The following EDC4 variants were observed in gnomAD, a reference collection of about 807,000 sequenced individuals.
EDC4 encodes the protein enhancer of mRNA decapping 4.
In EDC4, 64 loss-of-function variants were observed where a neutral mutation model predicts 155.8. The observed-to-expected ratio is 0.41, with a 90% confidence interval of 0.34 to 0.51. EDC4 has a LOEUF of 0.51. Among genes scored for constraint, EDC4 ranks in the 20% least tolerant of loss-of-function variants. EDC4 has a pLI of 0.19. For missense variants in EDC4, 1,303 were observed against 1,812.5 expected, an observed-to-expected ratio of 0.72 and a Z score of 5.10; for synonymous variants, 684 against 716.8, an observed-to-expected ratio of 0.95 and a Z score of 0.73.
In EDC4 at chr16:67,876,166, T is replaced by A; in HGVS notation, c.239+65T>A. The A allele has an allele frequency of 6.5e-7, 1 of 1,540,816 alleles. No homozygotes were observed. The highest frequency in any genetic ancestry group is 1.2e-5 in the South Asian group (1 of 86,870). Reference sequence around the variant, plus strand: ...TTGGGGTGTCTGCTAGCTGAAGGCATGAGATGGGGAGTGAGCGGGGCCAGC... The same window carrying A: ...TTGGGGTGTCTGCTAGCTGAAGGCAAGAGATGGGGAGTGAGCGGGGCCAGC... On this transcript the variant is annotated intron_variant, in intron 2 of 28. Coordinates refer to ENST00000358933, the MANE Select transcript of EDC4 (RefSeq NM_014329.5). The surrounding 1 kb of genome is among the most constrained non-coding windows in gnomAD (Gnocchi z 5.8).
chr16:67,876,077 T>C lies in EDC4; in HGVS notation c.215T>C (p.Ile72Thr), dbSNP rs1405121820. The C allele has an allele frequency of 1.2e-5, 20 of 1,614,004 alleles. No homozygotes were observed. The highest frequency in any genetic ancestry group is 1.7e-5 in the Non-Finnish European group (20 of 1,180,028). Reference protein sequence around the residue: ...NKTGLRTMPPINLQEKQVICL... With the variant: ...NKTGLRTMPPTNLQEKQVICL... ...ACTGGTCTTCGGACCATGCCACCCA[T>C]TAACCTGCAAGAGAAGCAGGTCATG... The change falls in exon 2 of 29, where the codon ATT (isoleucine) becomes ACT (threonine). Residue 72 changes from isoleucine (I) to threonine (T), a missense_variant. Around this residue, in one of 5 missense-constraint regions of EDC4, gnomAD observed 99 missense variants for 121.3 expected, o/e 0.82. Transcript: ENST00000358933. This position sits in a 1 kb window ranked among gnomAD's most constrained non-coding sequence, Gnocchi z 5.8.
rs1020490579 is a variant in EDC4 at position 67,881,992 on chromosome 16, C to T, written c.3043C>T (p.Arg1015Trp). 14 of 1,609,992 alleles carry T rather than the reference C, an allele frequency of 8.7e-6. No homozygotes were observed. Among genetic ancestry groups the T allele is most frequent in the Non-Finnish European group, 1.2e-5 (14 of 1,178,566 alleles). The stretch of plus-strand genomic sequence containing the variant: ...GCGAGCACTGGCTGAGGGGCAGCAG[C>T]GGGGAGGGCAGCTGCAGGAGCAGCT... ...LERALAEGQQRGGQLQEQLTQ... is the reference protein window; with the variant it reads ...LERALAEGQQWGGQLQEQLTQ... The change falls in exon 23 of 29, where the codon CGG becomes TGG. Residue 1015 changes from arginine (R) to tryptophan (W), a missense_variant. By Grantham distance (101) the Arg-to-Trp change is moderately radical. Coordinates refer to ENST00000358933, the MANE Select transcript of EDC4 (RefSeq NM_014329.5). This position sits in a 1 kb window ranked among gnomAD's most constrained non-coding sequence, Gnocchi z 5.4.
Position 67,879,867 on chromosome 16 carries a change from C to CAGCAGCAGCAGCGGT in EDC4, c.1852_1866dup (p.Gly618_Ser622dup). The CAGCAGCAGCAGCGGT allele has an allele frequency of 1.2e-6, 2 of 1,611,728 alleles. No individual in the cohort carries two copies. Among genetic ancestry groups the CAGCAGCAGCAGCGGT allele is most frequent in the Non-Finnish European group, 1.7e-6 (2 of 1,178,408 alleles). The stretch of plus-strand genomic sequence containing the variant: ...CTCCCCAGATCACTGCCTCTCCCAG[C>CAGCAGCAGCAGCGGT]AGCAGCAGCAGCGGTAGCAGCAGCA... On this transcript the variant is annotated inframe_insertion, in exon 16 of 29. Transcript: ENST00000358933. The surrounding 1 kb of genome is among the most constrained non-coding windows in gnomAD (Gnocchi z 6.0).
Position 67,881,665 on chromosome 16 carries a change from C to A in EDC4, c.2827-3C>A, listed in dbSNP as rs1394842124. On this transcript the variant is annotated splice_polypyrimidine_tract_variant and splice_region_variant and intron_variant, in intron 21 of 28. Coordinates refer to ENST00000358933, the MANE Select transcript of EDC4 (RefSeq NM_014329.5). This position sits in a 1 kb window ranked among gnomAD's most constrained non-coding sequence, Gnocchi z 5.4. Reference sequence around the variant, plus strand: ...ATCGTGTGACTGTCAGTGCTACTGACAGGTGGCAGAGCCCCCTGAGGACTG... The same window carrying A: ...ATCGTGTGACTGTCAGTGCTACTGAAAGGTGGCAGAGCCCCCTGAGGACTG... 6.2e-7 allele frequency: 1 copy of A among 1,611,524 alleles called. No homozygotes were observed. The highest frequency in any genetic ancestry group is 2.2e-5 in the East Asian group (1 of 44,786).
intron 1 of EDC4, among the ~76,000 whole-genome samples, chr16:67,875,407 C>T (rs946770264): frequency 6.6e-6 from 1 of 152,190 alleles, no homozygotes; most frequent in Non-Finnish European, 1.5e-5. Flanking sequence ...ATCTCTCTCA[C>T]CCAGATTCTC....
In EDC4 at chr16:67,879,778, C is replaced by T. The variant is rs746413323; in HGVS notation, c.1821+4C>T. The stretch of plus-strand genomic sequence containing the variant: ...ACCTAGCGCCTCCTTGCAGCAGGTA[C>T]TCTCCCAGGGTAGGGGGACCTGGGA... On this transcript the variant is annotated splice_donor_region_variant and intron_variant, in intron 15 of 28. Transcript: ENST00000358933. The surrounding 1 kb of genome is among the most constrained non-coding windows in gnomAD (Gnocchi z 6.0). 7 of 1,613,962 alleles carry T rather than the reference C, an allele frequency of 4.3e-6. No homozygotes were observed. The South Asian group carries it at 5.5e-5, about 13-fold the overall frequency.
chr16:67,878,937 G>A lies in EDC4; in HGVS notation c.1288-20G>A. 6.2e-7 allele frequency: 1 copy of A among 1,610,208 alleles called. No individual in the cohort carries two copies. Among genetic ancestry groups the A allele is most frequent in the Non-Finnish European group, 8.5e-7 (1 of 1,178,666 alleles). On this transcript the variant is annotated intron_variant, in intron 11 of 28. Coordinates refer to ENST00000358933, the MANE Select transcript of EDC4 (RefSeq NM_014329.5). This position sits in a 1 kb window ranked among gnomAD's most constrained non-coding sequence, Gnocchi z 5.2. ...AGCCCTTAGCCTCTGAGCTCAGCTA[G>A]GAACGTTCTGCCTGTGCAGGTCCTC...
Position 67,883,199 on chromosome 16 carries a change from G to C in EDC4, c.3849+22G>C. 1 of 1,541,292 alleles carries C rather than the reference G, an allele frequency of 6.5e-7. No homozygotes were observed. The highest frequency in any genetic ancestry group is 8.7e-7 in the Non-Finnish European group (1 of 1,143,138). On this transcript the variant is annotated intron_variant, in intron 27 of 28. Transcript: ENST00000358933. This position sits in a 1 kb window ranked among gnomAD's most constrained non-coding sequence, Gnocchi z 5.3. Reference sequence around the variant, plus strand: ...GCAGGTACGATAGGCATTAGGCCCTGCTAAGGGTCACGTGTCTCTTGACAA... The same window carrying C: ...GCAGGTACGATAGGCATTAGGCCCTCCTAAGGGTCACGTGTCTCTTGACAA...
In EDC4 at chr16:67,879,592, G is replaced by C; in HGVS notation, c.1639G>C (p.Gly547Arg). Residue 547 changes from glycine (G) to arginine (R), a missense_variant, in exon 15 of 29, where the codon GGA becomes CGA. Gly to Arg is a moderately radical substitution (Grantham distance 125, BLOSUM62 -2). Around this residue, in one of 5 missense-constraint regions of EDC4, gnomAD observed 391 missense variants for 445.4 expected, o/e 0.88. Transcript: ENST00000358933. The surrounding 1 kb of genome is among the most constrained non-coding windows in gnomAD (Gnocchi z 6.0). The part of the protein sequence containing the change: ...THTAHEDFTF[G>R]ESRPELGSEG... ...AGTGGCAACTTGCCCTGCAGCATTT[G>C]GAGAGTCTCGGCCCGAACTGGGCTC... 1 of 1,613,964 alleles carries C rather than the reference G, an allele frequency of 6.2e-7. No individual in the cohort carries two copies.
chr16:67,880,672 C>G lies in EDC4; in HGVS notation c.2213C>G (p.Thr738Ser). The change falls in exon 18 of 29, where the codon ACT (threonine) becomes AGT (serine). Residue 738 changes from threonine (T) to serine (S), a missense_variant. Thr to Ser is a moderately conservative substitution (Grantham distance 58). Transcript: ENST00000358933. The surrounding 1 kb of genome is among the most constrained non-coding windows in gnomAD (Gnocchi z 5.2). ...RSPDVISSAS[T>S]ALSQDIPEIA... ...CCTGATGTCATCTCCTCAGCTTCCA[C>G]TGCCCTGTCCCAGGACATCCCTGAG... is the stretch of plus-strand genomic sequence containing the variant. The G allele has an allele frequency of 4.3e-6, 7 of 1,614,252 alleles. No individual in the cohort carries two copies. The highest frequency in any genetic ancestry group is 5.9e-6 in the Non-Finnish European group (7 of 1,180,040).
At position 67,879,729 on chromosome 16, in the gene EDC4, G is replaced by C. The variant is rs754752651; in HGVS notation, c.1776G>C (p.Leu592Phe). 9 of 1,614,168 alleles carry C rather than the reference G, an allele frequency of 5.6e-6. No individual in the cohort carries two copies. The change falls in exon 15 of 29, where the codon TTG becomes TTC. Residue 592 changes from leucine to phenylalanine, a missense_variant. By Grantham distance (22) the Leu-to-Phe change is conservative. Coordinates refer to ENST00000358933, the MANE Select transcript of EDC4 (RefSeq NM_014329.5). This position sits in a 1 kb window ranked among gnomAD's most constrained non-coding sequence, Gnocchi z 6.0. ...TGAGCAGTGAGACCAAGCCCAAGTT[G>C]ATGACACCTGACGCCTTCATGACAC... ...LSLSSETKPK[L>F]MTPDAFMTPS...
At chr16:67,874,807 C>T (rs1386555749) in intron 1 of EDC4, among the ~76,000 whole-genome samples, 6 of 152,138 alleles carry the variant, frequency 3.9e-5, no homozygotes, top group Non-Finnish European at 4.4e-5. Context: ...GAGGACTGGG[C>T]GCGGTGGCTC....
In EDC4 at chr16:67,873,069, G is replaced by A. The variant is rs2058025752; in HGVS notation, c.-193G>A. The A allele has an allele frequency of 2.3e-6, 1 of 434,966 alleles. No homozygotes were observed. Among genetic ancestry groups the A allele is most frequent in the South Asian group, 5.4e-5 (1 of 18,424 alleles). 26.9% of individuals were successfully genotyped at this position (434,966 alleles called of 1,614,324 possible). A position where few individuals can be genotyped will look rare whatever the true frequency, so the allele number is the denominator to read the frequency against. On this transcript the variant is annotated 5_prime_UTR_variant, in exon 1 of 29. Transcript: ENST00000358933. ...GTTCCGGGAGCCTCGGCTCGTGGGT[G>A]CCGGAAGTGGAGGCGGTTGGTGGGG...
At position 67,880,055 on chromosome 16, in the gene EDC4, C is replaced by G; in HGVS notation, c.1944-8C>G. 1 of 1,594,958 alleles carries G rather than the reference C, an allele frequency of 6.3e-7. No individual in the cohort carries two copies. Among genetic ancestry groups the G allele is most frequent in the Non-Finnish European group, 8.6e-7 (1 of 1,167,662 alleles). ...CTGGCTGCTGACACCTCAGCCTTCCCCCACCAGGCCACCTGAGGAGCTGAC... is the reference window on the plus strand; with the variant it reads ...CTGGCTGCTGACACCTCAGCCTTCCGCCACCAGGCCACCTGAGGAGCTGAC... On this transcript the variant is annotated splice_polypyrimidine_tract_variant and splice_region_variant and intron_variant, in intron 16 of 28. Transcript: ENST00000358933. This position sits in a 1 kb window ranked among gnomAD's most constrained non-coding sequence, Gnocchi z 5.2.
At chr16:67,875,720 C>T in intron 1 of EDC4, 1 of 1,360,484 alleles carries the variant, frequency 7.4e-7, no homozygotes, top group Non-Finnish European at 9.5e-7. Flanking sequence ...TCCTTGATGG[C>T]TTGTACCCCT....
At position 67,880,801 on chromosome 16, in the gene EDC4, C is replaced by G; in HGVS notation, c.2342C>G (p.Pro781Arg). ...GCCTCGGCACTGCACCTGCTGTCCC[C>G]ACGGCCCCGGCCAGGGCCCGAGCTC... Reference protein sequence around the residue: ...SAASALHLLSPRPRPGPELGP... With the variant: ...SAASALHLLSRRPRPGPELGP... The change falls in exon 18 of 29, where the codon CCA becomes CGA. Residue 781 changes from proline to arginine, a missense_variant. Pro to Arg is a moderately radical substitution (Grantham distance 103). Around this residue, in one of 5 missense-constraint regions of EDC4, gnomAD observed 391 missense variants for 445.4 expected, o/e 0.88. Coordinates refer to ENST00000358933, the MANE Select transcript of EDC4 (RefSeq NM_014329.5). This position sits in a 1 kb window ranked among gnomAD's most constrained non-coding sequence, Gnocchi z 5.2. The G allele has an allele frequency of 2.5e-6, 4 of 1,613,984 alleles. No individual in the cohort carries two copies. The highest frequency in any genetic ancestry group is 3.4e-6 in the Non-Finnish European group (4 of 1,179,998).
rs201392724 is a variant in EDC4 at position 67,877,675 on chromosome 16, C to T, written c.789+19C>T. On this transcript the variant is annotated intron_variant, in intron 6 of 28. Coordinates refer to ENST00000358933, the MANE Select transcript of EDC4 (RefSeq NM_014329.5). This position sits in a 1 kb window ranked among gnomAD's most constrained non-coding sequence, Gnocchi z 4.9. The stretch of plus-strand genomic sequence containing the variant: ...AGACCGGGTGAGGGGGCTGACATGG[C>T]GAAGAGGCGCCAGAGAAGCCATAGT... 82 of 1,613,958 alleles carry T rather than the reference C, an allele frequency of 5.1e-5. No individual in the cohort carries two copies. The East Asian group carries it at 1.0e-3, about 20-fold the overall frequency.
At position 67,877,127 on chromosome 16, in the gene EDC4, G is replaced by A. The variant is rs1027032573; in HGVS notation, c.452-90G>A. The A allele has an allele frequency of 6.5e-7, 1 of 1,537,140 alleles. No individual in the cohort carries two copies. The highest frequency in any genetic ancestry group is 8.8e-7 in the Non-Finnish European group (1 of 1,141,138). On this transcript the variant is annotated intron_variant, in intron 4 of 28. Transcript: ENST00000358933. This position sits in a 1 kb window ranked among gnomAD's most constrained non-coding sequence, Gnocchi z 4.9. ...TGGGAAAACCAAGCTTGAGACTCTG[G>A]TGGTGGCAGGGAGACAGGTGGGGCA...
chr16:67,874,764 T>C (rs969558511), intron 1 of EDC4, among the ~76,000 whole-genome samples: 5 of 152,186 alleles, frequency 3.3e-5, no homozygotes, highest in East Asian at 3.8e-4. Flanking sequence ...TTGTCTCCTC[T>C]CACTGGACGA....
Sources: gnomAD v4.1 joint callset for allele counts (sites outside exome capture counted in the v4.1 genomes callset) on GRCh38, gnomAD v4.1.1 for gene constraint, gnomAD v4.1.1 regional missense constraint, Gnocchi (gnomAD v3.1) non-coding constraint, MANE v1.5 for transcripts, NCBI Gene and HGNC (gene_info 2026-07-23, HGNC 2026-07-21) for gene names.